The following NELL1 variants were observed in gnomAD, a reference collection of about 807,000 sequenced individuals.
NELL1 encodes the protein neural EGFL like 1, also known as protein kinase C-binding protein NELL1.
Under a neutral mutation model 107.4 loss-of-function variants are expected in NELL1, and 76 were observed. The ratio of observed to expected loss-of-function variants is 0.71; its 90% CI spans 0.59 to 0.86. The LOEUF is 0.86. Among genes scored for constraint, NELL1 ranks in the 40% least tolerant of loss-of-function variants. The pLI, the probability that NELL1 is intolerant of heterozygous loss-of-function variation, is 0.00. For missense variants in NELL1, 1,024 were observed against 1,005.5 expected (o/e 1.02, Z -0.25); for synonymous variants, 353 against 341.2 (o/e 1.03, Z -0.38).
At chr11:21,231,933 C>T (rs901521305) in intron 14 of NELL1, among the ~76,000 whole-genome samples, 4 of 151,930 alleles carry the variant, frequency 2.6e-5, no homozygotes, top group African/African-American at 9.7e-5. Context: ...ACTCTTCACA[C>T]CTTCTTTCAC....
intron 2 of NELL1, among the ~76,000 whole-genome samples, chr11:20,759,717 C>T (rs943247540): frequency 6.6e-6 from 1 of 152,228 alleles, no homozygotes; most frequent in African/African-American, 2.4e-5. Flanking sequence ...ATCACCACCT[C>T]TGTCCAGGGT....
At chr11:21,091,617 G>A (rs1854523267) in intron 12 of NELL1, among the ~76,000 whole-genome samples, 1 of 152,060 alleles carries the variant, frequency 6.6e-6, no homozygotes, top group Non-Finnish European at 1.5e-5. Flanking sequence ...ATCCATTGCT[G>A]TGTTTGTTTA....
At chr11:21,516,649 T>C (rs1855568548) in intron 15 of NELL1, among the ~76,000 whole-genome samples, 1 of 151,570 alleles carries the variant, frequency 6.6e-6, no homozygotes, top group Admixed American at 6.6e-5. Flanking sequence ...TCTAAACATA[T>C]CTAAAGATAG....
At chr11:20,800,474 T>C in intron 3 of NELL1, among the ~76,000 whole-genome samples, 1 of 151,232 alleles carries the variant, frequency 6.6e-6, no homozygotes, top group East Asian at 1.9e-4. Flanking sequence ...AATATATATT[T>C]GTTGGCTGCT....
chr11:20,928,813 T>G (rs1202846725), intron 9 of NELL1, among the ~76,000 whole-genome samples: 2 of 152,138 alleles, frequency 1.3e-5, no homozygotes, highest in African/African-American at 4.8e-5. Context: ...ACTCCAAAGC[T>G]CCATAGGCTT....
intron 2 of NELL1, among the ~76,000 whole-genome samples, chr11:20,690,527 T>G (rs1474272608): frequency 6.7e-6 from 1 of 149,416 alleles, no homozygotes; most frequent in East Asian, 1.9e-4. Flanking sequence ...CAGCACCATT[T>G]ATTAAATAGG....
At chr11:21,211,064 T>C (rs920684513) in intron 13 of NELL1, among the ~76,000 whole-genome samples, 2 of 152,184 alleles carry the variant, frequency 1.3e-5, no homozygotes, top group African/African-American at 2.4e-5. Context: ...AAATATGTGG[T>C]TTCTATTAAG....
intron 2 of NELL1, among the ~76,000 whole-genome samples, chr11:20,726,576 A>G (rs1458098806): frequency 6.6e-6 from 1 of 152,134 alleles, no homozygotes; most frequent in Non-Finnish European, 1.5e-5. Context: ...TTATGTTAAT[A>G]CAATCACCAA....
At chr11:21,349,641 C>A (rs1471741160) in intron 14 of NELL1, among the ~76,000 whole-genome samples, 1 of 151,604 alleles carries the variant, frequency 6.6e-6, no homozygotes, top group African/African-American at 2.4e-5. Flanking sequence ...GAGGAAGAGA[C>A]TGATTTTGAT....
chr11:20,718,829 AGAG>A (rs1483641561), intron 2 of NELL1, among the ~76,000 whole-genome samples: 5 of 152,188 alleles, frequency 3.3e-5, no homozygotes, highest in Non-Finnish European at 4.4e-5. Context: ...GATCTTTCAA[AGAG>A]GAGGGAATTT....
At chr11:21,228,368 A>G (rs1857947396) in intron 13 of NELL1, among the ~76,000 whole-genome samples, 1 of 152,120 alleles carries the variant, frequency 6.6e-6, no homozygotes. Context: ...CTATCTGAAT[A>G]TATATAACCC....
At chr11:21,141,240 A>T (rs1855859799) in intron 13 of NELL1, among the ~76,000 whole-genome samples, 1 of 152,226 alleles carries the variant, frequency 6.6e-6, no homozygotes, top group Non-Finnish European at 1.5e-5. Flanking sequence ...ATAGAATATT[A>T]AAAGAAAGAA....
At chr11:20,883,362 T>G (rs1240935800) in intron 4 of NELL1, among the ~76,000 whole-genome samples, 1 of 152,252 alleles carries the variant, frequency 6.6e-6, no homozygotes, top group Non-Finnish European at 1.5e-5. Flanking sequence ...TCTCTTTGAT[T>G]GTTTTTTCCT....
rs1015295807 is a variant in NELL1 at position 21,184,423 on chromosome 11, C to T, written c.1427-44909C>T. Among the ~76,000 whole-genome samples the T allele has an allele frequency of 2.6e-5, 4 of 151,692 alleles. 1 individual carries two copies. The highest frequency in any genetic ancestry group is 9.7e-5 in the African/African-American group (4 of 41,030). On this transcript the variant is annotated intron_variant, in intron 13 of 19. Coordinates refer to ENST00000357134, the MANE Select transcript of NELL1 (RefSeq NM_006157.5). ...AGCTGAGATTACAGGAAGGTGCCCA[C>T]CATGACCGGCTAAATTCTGTATTTT...
intron 5 of NELL1, among the ~76,000 whole-genome samples, chr11:20,897,910 A>G (rs966055745): frequency 6.6e-6 from 1 of 152,216 alleles, no homozygotes; most frequent in East Asian, 1.9e-4. Flanking sequence ...TTAAAAAGTC[A>G]GGAAACAACA....
intron 12 of NELL1, among the ~76,000 whole-genome samples, chr11:20,981,600 T>C (rs941149961): frequency 1.5e-4 from 23 of 152,284 alleles, no homozygotes; most frequent in Non-Finnish European, 2.9e-5. Flanking sequence ...ATTTTGTGAA[T>C]AGTTTGCAAA....
chr11:21,158,991 G>A (rs1219717746), intron 13 of NELL1, among the ~76,000 whole-genome samples: 2 of 152,032 alleles, frequency 1.3e-5, no homozygotes, highest in Non-Finnish European at 2.9e-5. Context: ...ATTTAATATA[G>A]CATGCATAAT....
intron 3 of NELL1, among the ~76,000 whole-genome samples, chr11:20,828,431 T>A (rs1236863060): frequency 6.6e-6 from 1 of 152,176 alleles, no homozygotes; most frequent in African/African-American, 2.4e-5. Flanking sequence ...AGAGAGTTAA[T>A]AATTGAAAAA....
chr11:21,321,670 A>C (rs948660271), intron 14 of NELL1, among the ~76,000 whole-genome samples: 2 of 152,188 alleles, frequency 1.3e-5, no homozygotes, highest in African/African-American at 4.8e-5. Flanking sequence ...TCCATTTTAT[A>C]GATAAGAAAG....
Sources: allele counts gnomAD v4.1 joint callset (sites outside exome capture counted in the v4.1 genomes callset), GRCh38; gene constraint gnomAD v4.1.1; transcripts MANE v1.5; gene names NCBI Gene and HGNC (gene_info 2026-07-23, HGNC 2026-07-21).